DTNA: variants seen among roughly 807,000 people sequenced by gnomAD.
The protein encoded by DTNA is dystrophin-related protein 3.
In DTNA, 43 loss-of-function variants were observed where a neutral mutation model predicts 100.7. That is an observed-to-expected ratio of 0.43 (90% confidence interval 0.33 to 0.55). DTNA has a LOEUF of 0.55. Ranked by LOEUF, DTNA falls within the 20% of genes least tolerant of loss-of-function variation. The pLI is 0.04. For synonymous variants in DTNA, 349 were observed against 347.9 expected (o/e 1.00, Z -0.04); for missense variants, 798 against 953.9 (o/e 0.84, Z 2.15).
intron 1 of DTNA, among the ~76,000 whole-genome samples, chr18:34,699,575 TGTCACACA>T (rs1208622651): frequency 6.6e-6 from 1 of 152,224 alleles, no homozygotes; most frequent in African/African-American, 2.4e-5. Flanking sequence ...TAAAATTCAC[TGTCACACA>T]ACTCAAATAC....
intron 1 of DTNA, among the ~76,000 whole-genome samples, chr18:34,673,242 C>T (rs967415271): frequency 2.0e-5 from 3 of 152,046 alleles, no homozygotes; most frequent in African/African-American, 4.8e-5. Flanking sequence ...CACACCACCA[C>T]GCCCAGCTAT....
chr18:34,849,677 T>C (rs1410396410), intron 14 of DTNA, among the ~76,000 whole-genome samples: 1 of 152,260 alleles, frequency 6.6e-6, no homozygotes, highest in East Asian at 1.9e-4. Context: ...CTTTATTAGA[T>C]GTCAGGACTT....
chr18:34,778,091 G>A (rs934947743), intron 3 of DTNA, among the ~76,000 whole-genome samples: 39 of 152,120 alleles, frequency 2.6e-4, no homozygotes, highest in Non-Finnish European at 1.0e-4. Context: ...GGTTTTACAG[G>A]GGCAGAAGGA....
intron 1 of DTNA, among the ~76,000 whole-genome samples, chr18:34,661,747 T>A (rs1335593849): frequency 6.6e-6 from 1 of 151,938 alleles, no homozygotes; most frequent in Non-Finnish European, 1.5e-5. Context: ...ATAGGAGAGG[T>A]GACAGAGTTA....
At chr18:34,698,443 C>T (rs762858097) in intron 1 of DTNA, among the ~76,000 whole-genome samples, 2 of 152,222 alleles carry the variant, frequency 1.3e-5, no homozygotes, top group African/African-American at 4.8e-5. Flanking sequence ...CATTCCTTGG[C>T]TTGCAGCTGC....
intron 3 of DTNA, among the ~76,000 whole-genome samples, chr18:34,771,814 A>C (rs1460476122): frequency 2.0e-5 from 3 of 152,172 alleles, no homozygotes; most frequent in Non-Finnish European, 4.4e-5. Context: ...AAAAATTAAT[A>C]CCCCATAAAC....
intron 1 of DTNA, among the ~76,000 whole-genome samples, chr18:34,629,808 A>G (rs2057831500): frequency 1.3e-5 from 2 of 152,092 alleles, no homozygotes; most frequent in South Asian, 2.1e-4. Flanking sequence ...AACTTAGTCC[A>G]TTTTGAACTG....
In DTNA at chr18:34,508,061, T is replaced by G. The variant is rs185320983; in HGVS notation, c.-2+14547T>G. 1.6e-4 allele frequency among the ~76,000 whole-genome samples: 25 copies of G among 152,332 alleles called. No homozygotes were observed. In the East Asian group the frequency reaches 4.8e-3, roughly 29 times the overall value. ...ATACATATTAATGATTATGCAATTA[T>G]TTTCTATCCTTAACCCAGATCTACT... On this transcript the variant is annotated intron_variant, in intron 1 of 19. Coordinates refer to the DTNA transcript ENST00000283365.
intron 1 of DTNA, among the ~76,000 whole-genome samples, chr18:34,684,820 A>T (rs936096607): frequency 2.6e-5 from 4 of 152,138 alleles, no homozygotes; most frequent in Non-Finnish European, 4.4e-5. Flanking sequence ...TTGTTTCCTG[A>T]CTTTTCAATG....
Position 34,879,544 on chromosome 18 carries a change from C to G in DTNA, c.1994-7C>G. On this transcript the variant is annotated splice_region_variant and splice_polypyrimidine_tract_variant and intron_variant, in intron 19 of 22. Transcript: ENST00000444659. ...TCATTCTTTATTTCTTCAATTGTATCTGCTAGAGGTTGGGAGTGAAACAGA... is the reference window on the plus strand; with the variant it reads ...TCATTCTTTATTTCTTCAATTGTATGTGCTAGAGGTTGGGAGTGAAACAGA... 1 of 1,613,942 alleles carries G rather than the reference C, an allele frequency of 6.2e-7. No individual in the cohort carries two copies.
intron 1 of DTNA, among the ~76,000 whole-genome samples, chr18:34,652,083 AAAGG>A (rs763039051): frequency 5.4e-4 from 82 of 151,324 alleles, no homozygotes; most frequent in East Asian, 1.4e-3. Flanking sequence ...AGAAAAGAAA[AAAGG>A]AAGGAAGGAA....
At chr18:34,536,845 A>C (rs1466859792) in intron 1 of DTNA, among the ~76,000 whole-genome samples, 1 of 151,940 alleles carries the variant, frequency 6.6e-6, no homozygotes, top group Non-Finnish European at 1.5e-5. Context: ...AAAAGTGGCC[A>C]AATATATCAG....
chr18:34,581,620 A>T lies in DTNA; in HGVS notation c.-2+88106A>T, dbSNP rs567799741. 4.4e-3 allele frequency among the ~76,000 whole-genome samples: 485 copies of T among 111,406 alleles called. 5 individuals carry two copies. The highest frequency in any genetic ancestry group is 0.015 in the African/African-American group (304 of 20,698). The allele number at this position is 111,406 out of a possible 152,430, so 73.1% of individuals were successfully genotyped here. ...ATGGCAGTCAGGCATGCCCCTAGTT[A>T]GTTTTTTTTTTTTTTTTTTGTGACG... On this transcript the variant is annotated intron_variant, in intron 1 of 19. Coordinates refer to the DTNA transcript ENST00000283365.
At chr18:34,527,719 A>T (rs1396134352) in intron 1 of DTNA, among the ~76,000 whole-genome samples, 1 of 152,152 alleles carries the variant, frequency 6.6e-6, no homozygotes, top group Non-Finnish European at 1.5e-5. Context: ...GCAAGTGCCT[A>T]GTTCCAGGTC....
chr18:34,674,003 CAT>C (rs1027341693), intron 1 of DTNA, among the ~76,000 whole-genome samples: 26 of 152,322 alleles, frequency 1.7e-4, no homozygotes, highest in African/African-American at 5.8e-4. Context: ...GAAGTACACA[CAT>C]GTTTCTGCAA....
chr18:34,773,872 T>C (rs1319481391), intron 3 of DTNA, among the ~76,000 whole-genome samples: 2 of 152,176 alleles, frequency 1.3e-5, no homozygotes, highest in Non-Finnish European at 2.9e-5. Context: ...CCTTTAATGG[T>C]TTTTAAGATC....
chr18:34,685,484 TTCCA>T (rs1346145273), intron 1 of DTNA, among the ~76,000 whole-genome samples: 7 of 152,210 alleles, frequency 4.6e-5, no homozygotes, highest in Non-Finnish European at 1.0e-4. Context: ...CTCTGTTCTG[TTCCA>T]TTGGTCTATA....
At position 34,889,102 on chromosome 18, in the gene DTNA, G is replaced by A; in HGVS notation, c.*1368G>A. 2.0e-6 allele frequency: 2 copies of A among 984,680 alleles called. No homozygotes were observed. The highest frequency in any genetic ancestry group is 2.4e-6 in the Non-Finnish European group (2 of 829,868). The allele number at this position is 984,680 out of a possible 1,614,324, so 61.0% of individuals were successfully genotyped here. ...TGGGAATTCTGGGGAAAAAGAAAAA[G>A]TAATCTTCTACTTGCTTCAAGATTT... On this transcript the variant is annotated 3_prime_UTR_variant, in exon 23 of 23. Coordinates refer to ENST00000444659, the MANE Select transcript of DTNA (RefSeq NM_001386795.1).
chr18:34,776,738 G>T (rs921326100), intron 3 of DTNA, among the ~76,000 whole-genome samples: 1 of 152,168 alleles, frequency 6.6e-6, no homozygotes, highest in South Asian at 2.1e-4. Flanking sequence ...TCCTGCAGTG[G>T]CTCCCCACTT....
Sources: allele counts gnomAD v4.1 joint callset (sites outside exome capture counted in the v4.1 genomes callset), GRCh38; gene constraint gnomAD v4.1.1; transcripts MANE v1.5; gene names NCBI Gene and HGNC (gene_info 2026-07-23, HGNC 2026-07-21).